Variants in MAP2 observed in about 807,000 individuals in gnomAD.
MAP2 encodes microtubule associated protein 2, also known as microtubule-associated protein 2.
In MAP2, 14 loss-of-function variants were observed where a neutral mutation model predicts 137.6. The ratio of observed to expected loss-of-function variants is 0.10; its 90% CI spans 0.07 to 0.16. The LOEUF (loss-of-function observed/expected upper bound fraction) is 0.16. MAP2 is among the 10% of genes least tolerant of loss of function. The pLI is 1.00. For synonymous variants in MAP2, 786 were observed against 782.3 expected, an observed-to-expected ratio of 1.00 and a Z score of -0.08; for missense variants, 2,088 against 2,191.5, an observed-to-expected ratio of 0.95 and a Z score of 0.94.
intron 2 of MAP2, among the ~76,000 whole-genome samples, chr2:209,520,877 C>A (rs978663545): frequency 2.6e-5 from 4 of 152,016 alleles, no homozygotes; most frequent in African/African-American, 9.7e-5. Context: ...CCATCTCATG[C>A]AGTAATTTTT....
At chr2:209,592,234 A>T (rs546580852) in intron 3 of MAP2, among the ~76,000 whole-genome samples, 1 of 152,104 alleles carries the variant, frequency 6.6e-6, no homozygotes, top group Non-Finnish European at 1.5e-5. Flanking sequence ...GCTACAATGT[A>T]CTCTGTCATT....
chr2:209,576,235 A>AATTT (rs1428244714), intron 2 of MAP2, among the ~76,000 whole-genome samples: 5 of 152,010 alleles, frequency 3.3e-5, no homozygotes, highest in South Asian at 2.1e-4. Flanking sequence ...GGTTTCTGCT[A>AATTT]ATTTATTTAT....
intron 2 of MAP2, among the ~76,000 whole-genome samples, chr2:209,545,082 A>C (rs1333759026): frequency 6.6e-6 from 1 of 152,184 alleles, no homozygotes; most frequent in African/African-American, 2.4e-5. Flanking sequence ...TAGCTATGGG[A>C]TAATAGTAAG....
intron 3 of MAP2, among the ~76,000 whole-genome samples, chr2:209,588,815 T>C (rs1434001664): frequency 5.9e-5 from 9 of 152,088 alleles, no homozygotes. Flanking sequence ...AGACTGCCTA[T>C]ACTTTAAATA....
rs59788211 is a variant in MAP2, at chr2:209,559,479, CAAA to C, written c.-171-20534_-171-20532del. Among the ~76,000 whole-genome samples, 105 of 37,542 alleles carry C rather than the reference CAAA, an allele frequency of 2.8e-3. 1 individual carries two copies. The highest frequency in any genetic ancestry group is 7.1e-3 in the African/African-American group (92 of 12,880). 24.6% of individuals were successfully genotyped at this position (37,542 alleles called of 152,430 possible). On this transcript the variant is annotated intron_variant, in intron 2 of 15. Transcript: ENST00000682079. ...TGAAACTCCATCTCTGCCAAAAATACAAAAAAAAAAAAAAAAAAAAAAAAAGCC... is the reference window on the plus strand; with the variant it reads ...TGAAACTCCATCTCTGCCAAAAATACAAAAAAAAAAAAAAAAAAAAAAGCC...
chr2:209,723,155 A>G (rs138754760), intron 13 of MAP2, among the ~76,000 whole-genome samples: 1 of 152,310 alleles, frequency 6.6e-6, no homozygotes, highest in Non-Finnish European at 1.5e-5. Flanking sequence ...GAGGTGATTA[A>G]TAATTGTGAT....
At chr2:209,535,018 A>T (rs2065742162) in intron 2 of MAP2, among the ~76,000 whole-genome samples, 2 of 152,110 alleles carry the variant, frequency 1.3e-5, no homozygotes, top group African/African-American at 4.8e-5. Context: ...GAATATTTTC[A>T]TTACTTCAGA....
chr2:209,625,689 C>G (rs1483973902), intron 4 of MAP2, among the ~76,000 whole-genome samples: 2 of 152,072 alleles, frequency 1.3e-5, no homozygotes, highest in Non-Finnish European at 2.9e-5. Context: ...GTAGAAATGT[C>G]TAGCAATCAG....
At chr2:209,649,908 C>T (rs2094667846) in intron 4 of MAP2, among the ~76,000 whole-genome samples, 1 of 152,130 alleles carries the variant, frequency 6.6e-6, no homozygotes, top group South Asian at 2.1e-4. Flanking sequence ...TTTTTATTAA[C>T]TAATTTTAAA....
chr2:209,447,488 A>T (rs886672476), intron 1 of MAP2, among the ~76,000 whole-genome samples: 30 of 152,050 alleles, frequency 2.0e-4, no homozygotes, highest in Admixed American at 1.9e-3. Context: ...CTTTGCTAGC[A>T]TCTTGGTAGC....
At chr2:209,530,355 TAAC>T (rs2064927768) in intron 2 of MAP2, among the ~76,000 whole-genome samples, 1 of 152,194 alleles carries the variant, frequency 6.6e-6, no homozygotes, top group Non-Finnish European at 1.5e-5. Context: ...TGTGCCCAAC[TAAC>T]ATTTGAGGAT....
intron 4 of MAP2, among the ~76,000 whole-genome samples, chr2:209,638,292 C>A (rs1306861988): frequency 1.3e-5 from 2 of 152,078 alleles, no homozygotes; most frequent in Non-Finnish European, 2.9e-5. Context: ...GAAGGCTGAT[C>A]CAGTTGGATC....
intron 13 of MAP2, among the ~76,000 whole-genome samples, chr2:209,713,488 C>G (rs114741285): frequency 6.6e-6 from 1 of 152,258 alleles, no homozygotes; most frequent in South Asian, 2.1e-4. Context: ...TCAGCTAAAA[C>G]AAATTCATTC....
chr2:209,627,415 G>A (rs1016918387), intron 4 of MAP2, among the ~76,000 whole-genome samples: 3 of 152,094 alleles, frequency 2.0e-5, no homozygotes, highest in Admixed American at 6.6e-5. Context: ...AGGAATAGAA[G>A]ACTAACCTTT....
At chr2:209,431,978 T>C (rs1308505945) in intron 1 of MAP2, among the ~76,000 whole-genome samples, 2 of 152,172 alleles carry the variant, frequency 1.3e-5, no homozygotes, top group African/African-American at 4.8e-5. Flanking sequence ...CTCCGGATAG[T>C]AGTTTAAACT....
chr2:209,457,735 A>C (rs1484993865), intron 1 of MAP2, among the ~76,000 whole-genome samples: 1 of 152,210 alleles, frequency 6.6e-6, no homozygotes, highest in Admixed American at 6.5e-5. Context: ...GGGAGGATAC[A>C]TGAGAAGCGT....
At chr2:209,548,282 G>C (rs958352293) in intron 2 of MAP2, among the ~76,000 whole-genome samples, 2 of 152,162 alleles carry the variant, frequency 1.3e-5, no homozygotes, top group African/African-American at 4.8e-5. Flanking sequence ...AAAATGGGGA[G>C]TTCCACAAAC....
chr2:209,615,292 TGAG>T (rs2088810893), intron 3 of MAP2, among the ~76,000 whole-genome samples: 1 of 152,150 alleles, frequency 6.6e-6, no homozygotes, highest in Non-Finnish European at 1.5e-5. Flanking sequence ...AGGCTATTAG[TGAG>T]TGAAATGCGT....
At chr2:209,720,221 T>G (rs2069722621) in intron 13 of MAP2, among the ~76,000 whole-genome samples, 1 of 152,168 alleles carries the variant, frequency 6.6e-6, no homozygotes, top group Non-Finnish European at 1.5e-5. Context: ...AGGGGAGAGC[T>G]ATAGGAAGAT....
Sources: allele counts gnomAD v4.1 joint callset (sites outside exome capture counted in the v4.1 genomes callset), GRCh38; gene constraint gnomAD v4.1.1; transcripts MANE v1.5; gene names NCBI Gene and HGNC (gene_info 2026-07-23, HGNC 2026-07-21).